Variants in GARIN1B observed in about 807,000 individuals in gnomAD.
GARIN1B encodes the protein Golgi-associated RAB2 interactor protein 1B.
chr7:128,723,482 G>A, the GARIN1B span: 8 of 681,248 alleles, frequency 1.2e-5, no homozygotes, highest in Non-Finnish European at 1.8e-5. Context: ...GGAGGTCAAG[G>A]CAGATGGATT....
the GARIN1B span, chr7:128,719,221 G>A: frequency 3.0e-6 from 2 of 664,142 alleles, no homozygotes; most frequent in African/African-American, 1.8e-5. Flanking sequence ...GTATCATTTA[G>A]AACAATAAAA....
the GARIN1B span, chr7:128,731,106 C>G: frequency 6.2e-7 from 1 of 1,611,842 alleles, no homozygotes. Flanking sequence ...ACAGGAAATT[C>G]TATTTGAGCC....
the GARIN1B span, chr7:128,717,116 T>A: frequency 1.1e-6 from 1 of 943,456 alleles, no homozygotes; most frequent in Non-Finnish European, 1.5e-6. Context: ...GACATTGATT[T>A]TTTTAGACAA....
At chr7:128,730,034 C>T in the GARIN1B span, 1 of 1,614,122 alleles carries the variant, frequency 6.2e-7, no homozygotes, top group South Asian at 1.1e-5. Flanking sequence ...AGCACTCTGG[C>T]AGCCTCCACC....
the GARIN1B span, chr7:128,731,110 T>G: frequency 6.2e-7 from 1 of 1,611,994 alleles, no homozygotes; most frequent in Non-Finnish European, 8.5e-7. Context: ...GAAATTCTAT[T>G]TGAGCCACCC....
At chr7:128,725,076 A>T in the GARIN1B span, 1 of 246,998 alleles carries the variant, frequency 4.0e-6, no homozygotes, top group Non-Finnish European at 8.0e-6. Context: ...GCAAATTGTA[A>T]GTAAGCTCTC....
chr7:128,723,520 C>T, the GARIN1B span: 1 of 412,132 alleles, frequency 2.4e-6, no homozygotes, highest in African/African-American at 2.0e-5. Flanking sequence ...TGAGACCAGC[C>T]TGGCCTCGAT....
At chr7:128,730,533 A>G in the GARIN1B span, among the ~76,000 whole-genome samples, 1 of 152,132 alleles carries the variant, frequency 6.6e-6, no homozygotes, top group Non-Finnish European at 1.5e-5. Context: ...CCACACATTC[A>G]TTTAACAAAC....
chr7:128,719,622 T>C, the GARIN1B span, among the ~76,000 whole-genome samples: 1 of 152,014 alleles, frequency 6.6e-6, no homozygotes, highest in Non-Finnish European at 1.5e-5. Context: ...TTTTTCAGTT[T>C]CATCCATATT....
the GARIN1B span, among the ~76,000 whole-genome samples, chr7:128,710,065 C>T: frequency 6.6e-6 from 1 of 151,854 alleles, no homozygotes; most frequent in African/African-American, 2.4e-5. Flanking sequence ...CTACAGTTGC[C>T]TGCCACTACA....
At chr7:128,709,750 C>CTGTTTT in the GARIN1B span, among the ~76,000 whole-genome samples, 5 of 114,664 alleles carry the variant, frequency 4.4e-5, no homozygotes, top group Non-Finnish European at 8.9e-5. Context: ...CTCTCTCTCT[C>CTGTTTT]TTTTTTTTTT....
chr7:128,723,429 G>A, the GARIN1B span: 3 of 1,364,204 alleles, frequency 2.2e-6, no homozygotes, highest in Non-Finnish European at 3.0e-6. Context: ...AGGGTTTTAC[G>A]TGACCAGGCA....
the GARIN1B span, among the ~76,000 whole-genome samples, chr7:128,719,697 C>CTTTTTTTTTTTT: frequency 1.0e-5 from 1 of 99,022 alleles, no homozygotes; most frequent in Non-Finnish European, 1.9e-5. Context: ...TTTTGTTTTG[C>CTTTTTTTTTTTT]TTTTTTTTTT....
chr7:128,711,206 G>C, the GARIN1B span, among the ~76,000 whole-genome samples: 114 of 151,986 alleles, frequency 7.5e-4, no homozygotes, highest in African/African-American at 2.7e-3. Flanking sequence ...TCGTGATAGA[G>C]CTTTACTAAG....
the GARIN1B span, chr7:128,713,873 G>T: frequency 3.4e-6 from 3 of 875,980 alleles, no homozygotes; most frequent in Non-Finnish European, 5.2e-6. Flanking sequence ...GAACAGCAAC[G>T]TATCAATTTA....
At chr7:128,711,235 T>G in the GARIN1B span, among the ~76,000 whole-genome samples, 1 of 151,752 alleles carries the variant, frequency 6.6e-6, no homozygotes, top group African/African-American at 2.4e-5. Flanking sequence ...ACTATTTTAA[T>G]TAAAAAAAAA....
the GARIN1B span, chr7:128,718,752 A>G: frequency 6.5e-7 from 1 of 1,536,806 alleles, no homozygotes; most frequent in South Asian, 1.2e-5. Context: ...CCTAAAGGAG[A>G]CCTGCCTCAT....
chr7:128,729,427 AT>A, the GARIN1B span, among the ~76,000 whole-genome samples: 1 of 152,224 alleles, frequency 6.6e-6, no homozygotes. Flanking sequence ...TGAGACTGCG[AT>A]TCTAACATGC....
the GARIN1B span, chr7:128,723,174 T>C: frequency 6.3e-7 from 1 of 1,591,822 alleles, no homozygotes; most frequent in Non-Finnish European, 8.6e-7. Context: ...AACCACCTGG[T>C]TCTGCTTTTT....
Sources: allele counts gnomAD v4.1 joint callset (sites outside exome capture counted in the v4.1 genomes callset), GRCh38; gene constraint gnomAD v4.1.1; transcripts MANE v1.5; gene names NCBI Gene and HGNC (gene_info 2026-07-23, HGNC 2026-07-21).